The following ZNF713 variants were observed in gnomAD, a reference collection of about 807,000 sequenced individuals.
ZNF713 encodes the protein zinc finger protein 713.
In ZNF713, 21 loss-of-function variants were observed where a neutral mutation model predicts 28.7. The observed-to-expected ratio is 0.73, with a 90% CI of 0.52 to 1.05. The LOEUF (loss-of-function observed/expected upper bound fraction) is 1.05, where lower values mean the gene tolerates loss of function less well. ZNF713 is among the 50% of genes least tolerant of loss of function. The pLI, the probability that ZNF713 is intolerant of heterozygous loss-of-function variation, is 0.00. For missense variants in ZNF713, 458 were observed against 532.4 expected (o/e 0.86, Z 1.37); for synonymous variants, 167 against 178.0 (o/e 0.94, Z 0.49).
At chr7:55,919,025 A>C (rs1187112686) in intron 4 of ZNF713, among the ~76,000 whole-genome samples, 1 of 152,060 alleles carries the variant, frequency 6.6e-6, no homozygotes, top group Non-Finnish European at 1.5e-5. Context: ...GAAAATAGAG[A>C]ATATATTTAA....
At chr7:55,924,787 A>T (rs1786064911) in intron 6 of ZNF713, 1 of 152,206 alleles carries the variant, frequency 6.6e-6, no homozygotes, top group African/African-American at 2.4e-5. Flanking sequence ...AGGCAAGAGA[A>T]TTGCTTAAAC....
intron 1 of ZNF713, among the ~76,000 whole-genome samples, chr7:55,897,908 C>G (rs1785503139): frequency 6.6e-6 from 1 of 152,294 alleles, no homozygotes; most frequent in African/African-American, 2.4e-5. Flanking sequence ...ATAGAAGCGT[C>G]TTTTGCTATT....
At chr7:55,901,271 C>T (rs1376385401) in intron 1 of ZNF713, among the ~76,000 whole-genome samples, 3 of 151,896 alleles carry the variant, frequency 2.0e-5, no homozygotes, top group Admixed American at 1.3e-4. Context: ...AGAGAGAGAG[C>T]TTATGCAGAG....
At chr7:55,900,912 C>G (rs1229988345) in intron 1 of ZNF713, among the ~76,000 whole-genome samples, 1 of 152,134 alleles carries the variant, frequency 6.6e-6, no homozygotes, top group African/African-American at 2.4e-5. Context: ...CTCAAGTGAT[C>G]CACCCACCTT....
intron 1 of ZNF713, among the ~76,000 whole-genome samples, chr7:55,899,671 C>T (rs1005404906): frequency 6.6e-6 from 1 of 151,304 alleles, no homozygotes; most frequent in Non-Finnish European, 1.5e-5. Context: ...GACTCCATCT[C>T]AAAAAAATAA....
At position 55,939,319 on chromosome 7, in the gene ZNF713, C is replaced by T. The variant is rs1189633711; in HGVS notation, c.645C>T (p.Ser215=). Residue 215 remains serine (S), a synonymous_variant, in exon 7 of 7, where the codon AGC becomes AGT. Coordinates refer to ENST00000429591, the MANE Select transcript of ZNF713 (RefSeq NM_182633.3). ...IPLNSDTQGN[S]IKHNSDLIYY... Reference sequence around the variant, plus strand: ...TGAATTCTGACACACAGGGAAACAGCATCAAACATAATTCAGACTTGATTT... The same window carrying T: ...TGAATTCTGACACACAGGGAAACAGTATCAAACATAATTCAGACTTGATTT... 2 of 1,613,950 alleles carry T rather than the reference C, an allele frequency of 1.2e-6. No homozygotes were observed. The highest frequency in any genetic ancestry group is 1.7e-6 in the Non-Finnish European group (2 of 1,179,990).
intron 4 of ZNF713, among the ~76,000 whole-genome samples, chr7:55,914,473 G>A (rs180858176): frequency 1.3e-5 from 2 of 152,272 alleles, no homozygotes; most frequent in African/African-American, 2.4e-5. Flanking sequence ...GGGATTGCAG[G>A]TGTGAGCCAC....
At chr7:55,930,501 C>T (rs879364663) in intron 6 of ZNF713, among the ~76,000 whole-genome samples, 8 of 152,142 alleles carry the variant, frequency 5.3e-5, no homozygotes, top group African/African-American at 1.2e-4. Context: ...TTTATGGGAA[C>T]ACAACCACAC....
chr7:55,901,636 A>G (rs1785580132), intron 1 of ZNF713, among the ~76,000 whole-genome samples: 1 of 152,236 alleles, frequency 6.6e-6, no homozygotes, highest in Non-Finnish European at 1.5e-5. Flanking sequence ...ATTGGTGAAC[A>G]CATACAGGTG....
Position 55,892,819 on chromosome 7 carries a change from C to T in ZNF713, c.-583+5139C>T, listed in dbSNP as rs180876427. Among the ~76,000 whole-genome samples, 13 of 146,832 alleles carry T rather than the reference C, an allele frequency of 8.9e-5. No homozygotes were observed. The East Asian group carries it at 2.1e-3, about 23-fold the overall frequency. On this transcript the variant is annotated intron_variant, in intron 1 of 6. Transcript: ENST00000429591. ...CCTGGGAGGTGAGGTTGCAGTGAACCGAGATCATGCCATTGCACTCCATTC... is the reference window on the plus strand; with the variant it reads ...CCTGGGAGGTGAGGTTGCAGTGAACTGAGATCATGCCATTGCACTCCATTC...
chr7:55,939,712 A>G lies in ZNF713; in HGVS notation c.1038A>G (p.Gln346=), dbSNP rs767499071. The G allele has an allele frequency of 3.1e-6, 5 of 1,614,142 alleles. No homozygotes were observed. The South Asian group carries it at 4.4e-5, about 14-fold the overall frequency. ...GAGAAAAGCCCTATAAATGTAATCA[A>G]TGTGGTAAAGCTTTTAGCCGCATCA... ...HTGEKPYKCN[Q]CGKAFSRITS... The change falls in exon 7 of 7, where the codon CAA becomes CAG. Residue 346 remains glutamine (Q), a synonymous_variant. Coordinates refer to ENST00000429591, the MANE Select transcript of ZNF713 (RefSeq NM_182633.3).
rs866194778 is a variant in ZNF713, at chr7:55,939,846, C to T, written c.1172C>T (p.Thr391Ile). 3 of 1,614,036 alleles carry T rather than the reference C, an allele frequency of 1.9e-6. No individual in the cohort carries two copies. The highest frequency in any genetic ancestry group is 2.5e-6 in the Non-Finnish European group (3 of 1,179,980). The change falls in exon 7 of 7, where the codon ACT becomes ATT. Residue 391 changes from threonine to isoleucine, a missense_variant. Physicochemically the swap from Thr to Ile is moderately conservative, Grantham distance 89. Transcript: ENST00000429591. The part of the protein sequence containing the change: ...QRTHLNQHER[T>I]HTGEKPYKCN... ...ACACATCTGAATCAACATGAAAGAA[C>T]TCATACAGGAGAGAAACCCTATAAA...
At chr7:55,909,256 T>C (rs974232895) in intron 2 of ZNF713, among the ~76,000 whole-genome samples, 12 of 151,322 alleles carry the variant, frequency 7.9e-5, no homozygotes, top group African/African-American at 2.9e-4. Flanking sequence ...ACATGTTGGC[T>C]ATCCAAGTTT....
At chr7:55,936,305 G>A (rs974936491) in intron 6 of ZNF713, among the ~76,000 whole-genome samples, 23 of 151,584 alleles carry the variant, frequency 1.5e-4, no homozygotes, top group African/African-American at 5.3e-4. Context: ...TCCGTGAGGA[G>A]ATTGGGTAAA....
chr7:55,911,878 G>C lies in ZNF713; in HGVS notation c.-193G>C, dbSNP rs1785790867. The C allele has an allele frequency of 6.6e-6, 1 of 152,102 alleles. No individual in the cohort carries two copies. The highest frequency in any genetic ancestry group is 2.4e-5 in the African/African-American group (1 of 41,416). 9.4% of individuals were successfully genotyped at this position (152,102 alleles called of 1,614,324 possible). A position where few individuals can be genotyped will look rare whatever the true frequency, so the allele number is the denominator to read the frequency against. On this transcript the variant is annotated 5_prime_UTR_variant, in exon 3 of 7. Transcript: ENST00000429591. ...GAGATGGGGCACCTTTAGTACCAGG[G>C]GAGTGACTGTTGCCCATAAGGTACT...
At chr7:55,909,704 A>G (rs1308025313) in intron 2 of ZNF713, among the ~76,000 whole-genome samples, 1 of 152,118 alleles carries the variant, frequency 6.6e-6, no homozygotes, top group Non-Finnish European at 1.5e-5. Context: ...TGTGTCATCT[A>G]CCATTTCTTT....
At chr7:55,933,653 G>A (rs1584319392) in intron 6 of ZNF713, among the ~76,000 whole-genome samples, 1 of 152,026 alleles carries the variant, frequency 6.6e-6, no homozygotes, top group Admixed American at 6.6e-5. Flanking sequence ...TATTAAATGA[G>A]TAGGAATAGC....
At chr7:55,912,500 A>G in intron 3 of ZNF713, 135 bp from the exon 4 acceptor site, 1 of 603,362 alleles carries the variant, frequency 1.7e-6, no homozygotes. Flanking sequence ...AGAAGAGTAG[A>G]GACGTCACAA....
At chr7:55,907,091 A>AT (rs1371668017) in intron 2 of ZNF713, among the ~76,000 whole-genome samples, 2 of 152,072 alleles carry the variant, frequency 1.3e-5, no homozygotes, top group Non-Finnish European at 2.9e-5. Flanking sequence ...GTTTCTGGGA[A>AT]TTTTTTTAGC....
Sources: allele counts gnomAD v4.1 joint callset (sites outside exome capture counted in the v4.1 genomes callset), GRCh38; gene constraint gnomAD v4.1.1; transcripts MANE v1.5; gene names NCBI Gene and HGNC (gene_info 2026-07-23, HGNC 2026-07-21).